CCDC169: variants seen among roughly 807,000 people sequenced by gnomAD.
The protein encoded by CCDC169 is coiled-coil domain-containing protein 169.
A neutral mutation model predicts 36.0 loss-of-function variants in CCDC169; 30 were observed. The ratio of observed to expected loss-of-function variants is 0.83; its 90% CI spans 0.62 to 1.13. The LOEUF (loss-of-function observed/expected upper bound fraction) is 1.13. CCDC169 is among the 50% of genes most tolerant of loss of function. The pLI is 0.00. For synonymous variants in CCDC169, 85 were observed against 81.5 expected (o/e 1.04, Z -0.23); for missense variants, 245 against 245.9 (o/e 1.00, Z 0.03).
intron 2 of CCDC169, among the ~76,000 whole-genome samples, chr13:36,286,394 C>A (rs1398503617): frequency 5.3e-5 from 8 of 152,116 alleles, no homozygotes; most frequent in Non-Finnish European, 1.2e-4. Context: ...GACTTGGCTG[C>A]CAGTGAAACT....
chr13:36,282,612 T>G (rs527947909), intron 4 of CCDC169: 2 of 844,730 alleles, frequency 2.4e-6, no homozygotes, highest in South Asian at 1.1e-4. Flanking sequence ...CCACTCTTCG[T>G]TGTGCTAATA....
chr13:36,254,275 CTTTTTT>C, intron 4 of CCDC169, 132 bp from the exon 5 acceptor site: 5 of 364,690 alleles, frequency 1.4e-5, no homozygotes, highest in East Asian at 6.0e-5. Flanking sequence ...ATGATATGTA[CTTTTTT>C]TTTTTTTTTT....
intron 4 of CCDC169, among the ~76,000 whole-genome samples, chr13:36,267,874 T>C (rs958835958): frequency 1.3e-5 from 2 of 151,962 alleles, no homozygotes; most frequent in Non-Finnish European, 2.9e-5. Context: ...CACTATATAA[T>C]GACAAAAGGA....
At chr13:36,227,355 G>C, downstream of CCDC169, 1 of 1,550,292 alleles carries the variant, frequency 6.5e-7, no homozygotes. Context: ...GACCTTTAAA[G>C]GGTCCAATTC....
downstream of CCDC169, chr13:36,225,063 G>A (rs1869791366): frequency 6.6e-6 from 1 of 152,124 alleles, no homozygotes; most frequent in African/African-American, 2.4e-5. Context: ...TTCAACAAAT[G>A]GTGCTGGAAT....
At chr13:36,281,606 T>C (rs113937742) in intron 4 of CCDC169, among the ~76,000 whole-genome samples, 1,932 of 152,340 alleles carry the variant, frequency 0.013, 39 homozygotes, top group African/African-American at 0.044. Flanking sequence ...CTTATACCTG[T>C]CATCCCAGCA....
chr13:36,284,590 C>T (rs1223778068), intron 2 of CCDC169, among the ~76,000 whole-genome samples: 1 of 152,134 alleles, frequency 6.6e-6, no homozygotes, highest in East Asian at 1.9e-4. Context: ...ACCCTTTTAG[C>T]TATTAAAGTC....
chr13:36,257,680 C>A (rs941492849), intron 4 of CCDC169, among the ~76,000 whole-genome samples: 1 of 150,240 alleles, frequency 6.7e-6, no homozygotes, highest in African/African-American at 2.5e-5. Flanking sequence ...TCCACCCTGG[C>A]AACACAGCAA....
chr13:36,295,592 T>A (rs1010562502), intron 2 of CCDC169, among the ~76,000 whole-genome samples, 186 bp downstream of exon 2: 1 of 152,200 alleles, frequency 6.6e-6, no homozygotes, highest in African/African-American at 2.4e-5. Flanking sequence ...TAAATAGTAA[T>A]AGGTTTGATA....
chr13:36,228,819 AGGG>A (rs1386819765), downstream of CCDC169, among the ~76,000 whole-genome samples: 12 of 152,106 alleles, frequency 7.9e-5, no homozygotes, highest in African/African-American at 2.9e-4. Flanking sequence ...CCAAAGTGAC[AGGG>A]GGTGTGAGCC....
chr13:36,275,058 C>T (rs557769837), intron 4 of CCDC169, among the ~76,000 whole-genome samples: 11 of 151,962 alleles, frequency 7.2e-5, no homozygotes, highest in African/African-American at 2.4e-4. Context: ...TTAGTAGAGA[C>T]GGGGTTTCAC....
chr13:36,268,899 G>A (rs1046543357), intron 4 of CCDC169, among the ~76,000 whole-genome samples: 1 of 152,122 alleles, frequency 6.6e-6, no homozygotes, highest in Non-Finnish European at 1.5e-5. Flanking sequence ...GAGGTCAGGA[G>A]TTCAAGATCA....
rs1451737206 is a variant in CCDC169 at position 36,297,674 on chromosome 13, G to A, written c.46C>T (p.Arg16Cys). 1 of 1,551,154 alleles carries A rather than the reference G, an allele frequency of 6.4e-7. No individual in the cohort carries two copies. The highest frequency in any genetic ancestry group is 1.4e-5 in the African/African-American group (1 of 73,028). ...NYNFDGVSTN[R>C]LKQQLLEEVR... is the part of the protein sequence containing the mutation. ...TCTTCCAGCAACTGCTGTTTCAGGC[G>A]GTTGGTGCTCACACCGTCGAAGTTG... is the stretch of plus-strand genomic sequence containing the variant. Residue 16 changes from arginine to cysteine, a missense_variant, in exon 1 of 8, where the codon CGC becomes TGC. Coordinates refer to ENST00000239859, the MANE Select transcript of CCDC169 (RefSeq NM_001144981.3).
At chr13:36,222,605 T>A (rs9546765), downstream of CCDC169, 4 of 151,906 alleles carry the variant, frequency 2.6e-5, no homozygotes, top group Non-Finnish European at 4.4e-5. Flanking sequence ...CTCTGTGGGG[T>A]GAAGCTCACT....
intron 2 of CCDC169, among the ~76,000 whole-genome samples, chr13:36,291,989 CTTT>C (rs35326800): frequency 1.2e-4 from 16 of 134,828 alleles, no homozygotes; most frequent in Admixed American, 1.5e-4. Context: ...AATAAGTCTT[CTTT>C]TTTTTTTTTT....
chr13:36,294,363 A>G (rs1222703532), intron 2 of CCDC169, among the ~76,000 whole-genome samples: 1 of 152,188 alleles, frequency 6.6e-6, no homozygotes, highest in Non-Finnish European at 1.5e-5. Flanking sequence ...CAGCTACTTG[A>G]TAAGTACACT....
chr13:36,245,442 G>A (rs956656333), intron 7 of CCDC169, among the ~76,000 whole-genome samples: 12 of 151,730 alleles, frequency 7.9e-5, no homozygotes, highest in African/African-American at 2.9e-4. Flanking sequence ...TGGGACTACA[G>A]TGCACACCAT....
chr13:36,225,585 A>T (rs190058247), downstream of CCDC169: 145 of 152,310 alleles, frequency 9.5e-4, 2 homozygotes, highest in Middle Eastern at 3.4e-3. Flanking sequence ...CAAAACAAAA[A>T]CTGACAAATG....
intron 4 of CCDC169, among the ~76,000 whole-genome samples, chr13:36,262,820 C>T (rs1326943131): frequency 6.6e-6 from 1 of 152,148 alleles, no homozygotes; most frequent in Non-Finnish European, 1.5e-5. Flanking sequence ...ATGGGGGTAT[C>T]TCTTTTCTAA....
Sources: gnomAD v4.1 joint callset for allele counts (sites outside exome capture counted in the v4.1 genomes callset) on GRCh38, gnomAD v4.1.1 for gene constraint, MANE v1.5 for transcripts, NCBI Gene and HGNC (gene_info 2026-07-23, HGNC 2026-07-21) for gene names.